The following CSMD2 variants were observed in gnomAD, a reference collection of about 807,000 sequenced individuals.
The protein encoded by CSMD2 is CUB and Sushi multiple domains 2.
A neutral mutation model predicts 398.5 loss-of-function variants in CSMD2; 130 were observed. The observed-to-expected ratio is 0.33, with a 90% CI of 0.28 to 0.38. The LOEUF is 0.38. Among genes scored for constraint, CSMD2 ranks in the 10% least tolerant of loss-of-function variants. The pLI, the probability that CSMD2 is intolerant of heterozygous loss-of-function variation, is 1.00. For synonymous variants in CSMD2, 1,828 were observed against 1,908.5 expected, an observed-to-expected ratio of 0.96 and a Z score of 1.10; for missense variants, 3,829 against 4,764.9, an observed-to-expected ratio of 0.80 and a Z score of 5.78.
chr1:33,662,098 C>G (rs1644156121), intron 26 of CSMD2, among the ~76,000 whole-genome samples: 2 of 152,216 alleles, frequency 1.3e-5, no homozygotes, highest in South Asian at 4.2e-4. Flanking sequence ...AGAGGCAGGA[C>G]CAATCATATA....
chr1:33,925,396 T>C (rs920794113), intron 4 of CSMD2, among the ~76,000 whole-genome samples: 1 of 152,192 alleles, frequency 6.6e-6, no homozygotes, highest in African/African-American at 2.4e-5. Context: ...TTCTGTTTCA[T>C]TGGTCTGTGT....
chr1:34,062,070 C>T (rs571275544), intron 2 of CSMD2, among the ~76,000 whole-genome samples: 20 of 152,316 alleles, frequency 1.3e-4, no homozygotes, highest in African/African-American at 4.8e-4. Context: ...GCTGGCTTCC[C>T]CTCTGATGGG....
chr1:33,604,374 G>A (rs939235500), intron 42 of CSMD2, among the ~76,000 whole-genome samples: 5 of 152,182 alleles, frequency 3.3e-5, no homozygotes, highest in African/African-American at 4.8e-5. Context: ...GCTCAGTTTC[G>A]CAAACAAGGT....
chr1:33,823,293 C>T (rs1292259019), intron 7 of CSMD2, among the ~76,000 whole-genome samples: 3 of 152,192 alleles, frequency 2.0e-5, no homozygotes, highest in African/African-American at 4.8e-5. Flanking sequence ...GATGGTGGTC[C>T]CACGAGGATC....
intron 8 of CSMD2, 43 bp downstream of exon 8, chr1:33,820,425 AC>A: frequency 2.2e-6 from 3 of 1,362,932 alleles, no homozygotes; most frequent in Non-Finnish European, 2.1e-6. Flanking sequence ...CAGCCAGGCC[AC>A]CCCACCCTTC....
At chr1:34,006,926 T>C (rs940598534) in intron 3 of CSMD2, among the ~76,000 whole-genome samples, 62 of 151,844 alleles carry the variant, frequency 4.1e-4, no homozygotes, top group African/African-American at 1.4e-3. Flanking sequence ...CTCTCAGGCA[T>C]GGAAACTGTG....
At chr1:33,838,422 C>A (rs1057372621) in intron 6 of CSMD2, 1 of 152,320 alleles carries the variant, frequency 6.6e-6, no homozygotes, top group African/African-American at 2.4e-5. Flanking sequence ...CTGACCTTGC[C>A]TTTTTCCTAC....
chr1:34,087,986 C>T (rs536728501), intron 2 of CSMD2, among the ~76,000 whole-genome samples: 18 of 152,214 alleles, frequency 1.2e-4, no homozygotes, highest in African/African-American at 3.8e-4. Flanking sequence ...CCAGATGCCC[C>T]CCCGCCTCTG....
chr1:33,990,576 A>T (rs1447107100), intron 3 of CSMD2, among the ~76,000 whole-genome samples: 1 of 152,038 alleles, frequency 6.6e-6, no homozygotes, highest in Non-Finnish European at 1.5e-5. Context: ...TCTCTTCCAC[A>T]CCCTGGGGAG....
At chr1:33,917,419 C>G (rs1174304570) in intron 5 of CSMD2, among the ~76,000 whole-genome samples, 1 of 152,202 alleles carries the variant, frequency 6.6e-6, no homozygotes, top group Non-Finnish European at 1.5e-5. Flanking sequence ...AAACAGAAAG[C>G]CAGATACTTC....
chr1:34,012,446 A>G (rs886633229), intron 3 of CSMD2, among the ~76,000 whole-genome samples: 5 of 148,886 alleles, frequency 3.4e-5, no homozygotes, highest in Admixed American at 1.3e-4. Context: ...TAACTTGTCT[A>G]TTTTTTTTTT....
At chr1:33,782,725 G>A (rs1443987849) in intron 12 of CSMD2, among the ~76,000 whole-genome samples, 5 of 152,162 alleles carry the variant, frequency 3.3e-5, no homozygotes, top group Non-Finnish European at 7.4e-5. Flanking sequence ...TGTGTCCTGT[G>A]CCAGGCACTG....
intron 5 of CSMD2, among the ~76,000 whole-genome samples, chr1:33,893,663 C>G (rs1642196251): frequency 6.6e-6 from 1 of 152,188 alleles, no homozygotes; most frequent in African/African-American, 2.4e-5. Flanking sequence ...ATAAGCACGA[C>G]TTCACTCAGA....
At chr1:33,569,097 A>T (rs1659335719) in intron 52 of CSMD2, among the ~76,000 whole-genome samples, 1 of 152,216 alleles carries the variant, frequency 6.6e-6, no homozygotes. Flanking sequence ...TCATTATACA[A>T]AGGCCAATAG....
In CSMD2 at chr1:33,617,512, C is replaced by T; in HGVS notation, c.5933G>A (p.Gly1978Glu). Residue 1978 changes from glycine (G) to glutamate (E), a missense_variant, in exon 38 of 71, where the codon GGA becomes GAA. Transcript: ENST00000373381. ...NDVVSFQCEPGYALQGHAHIS... is the reference protein window; with the variant it reads ...NDVVSFQCEPEYALQGHAHIS... Reference sequence around the variant, plus strand: ...CAGGGGAGGTACCTGGAGGGCATATCCCGGCTCACACTGGAAAGACACCAC... The same window carrying T: ...CAGGGGAGGTACCTGGAGGGCATATTCCGGCTCACACTGGAAAGACACCAC... The T allele has an allele frequency of 6.2e-7, 1 of 1,613,834 alleles. No homozygotes were observed. The highest frequency in any genetic ancestry group is 1.1e-5 in the South Asian group (1 of 91,064).
intron 7 of CSMD2, among the ~76,000 whole-genome samples, chr1:33,823,403 TTTTAA>T (rs1299324438): frequency 6.6e-6 from 1 of 152,142 alleles, no homozygotes; most frequent in African/African-American, 2.4e-5. Context: ...TTTTTTTTTT[TTTTAA>T]TTCCAGTCTT....
chr1:33,646,745 C>G lies in CSMD2; in HGVS notation c.4677G>C (p.Gln1559His). Residue 1559 changes from glutamine to histidine, a missense_variant, in exon 29 of 71, where the codon CAG (glutamine) becomes CAC (histidine). Around this residue, in one of 5 missense-constraint regions of CSMD2, gnomAD observed 2,001 missense variants for 2,567.1 expected, o/e 0.78. Transcript: ENST00000373381. ...TGCTGCTTTCAATGCGGCCTGGGAGCTGGGAGCCATAGAAGCTTCCTATGA... is the reference window on the plus strand; with the variant it reads ...TGCTGCTTTCAATGCGGCCTGGGAGGTGGGAGCCATAGAAGCTTCCTATGA... ...SPLIGSFYGS[Q>H]LPGRIESSSN... The G allele has an allele frequency of 6.2e-7, 1 of 1,614,178 alleles. No homozygotes were observed. The highest frequency in any genetic ancestry group is 8.5e-7 in the Non-Finnish European group (1 of 1,180,028).
At chr1:34,103,910 A>T (rs1571133811) in intron 1 of CSMD2, among the ~76,000 whole-genome samples, 1 of 152,222 alleles carries the variant, frequency 6.6e-6, no homozygotes, top group Admixed American at 6.5e-5. Flanking sequence ...CTTTGGGTTC[A>T]AATTTCAGAT....
At chr1:34,011,537 A>G (rs964866737) in intron 3 of CSMD2, among the ~76,000 whole-genome samples, 6 of 152,054 alleles carry the variant, frequency 3.9e-5, no homozygotes, top group Non-Finnish European at 5.9e-5. Flanking sequence ...TTTATAGCTC[A>G]TGTCCAATAG....
Sources: allele counts gnomAD v4.1 joint callset (sites outside exome capture counted in the v4.1 genomes callset), GRCh38; gene constraint gnomAD v4.1.1; regional missense constraint gnomAD v4.1.1; transcripts MANE v1.5; gene names NCBI Gene and HGNC (gene_info 2026-07-23, HGNC 2026-07-21).